CDH11: variants seen among roughly 807,000 people sequenced by gnomAD.
The protein encoded by CDH11 is cadherin 11, also known as cadherin-11.
A neutral mutation model predicts 67.8 loss-of-function variants in CDH11; 11 were observed. The observed-to-expected ratio is 0.16, with a 90% confidence interval of 0.10 to 0.27. The LOEUF (loss-of-function observed/expected upper bound fraction) is 0.27. Ranked by LOEUF, CDH11 falls within the 10% of genes least tolerant of loss-of-function variation. The probability of loss-of-function intolerance (pLI) is 1.00; values close to 1 mark genes in which losing one functional copy is unlikely to be tolerated. For missense variants in CDH11, 847 were observed against 1,031.2 expected (o/e 0.82, Z 2.45); for synonymous variants, 419 against 400.0 (o/e 1.05, Z -0.57).
At chr16:65,064,025 A>G (rs913048683) in intron 1 of CDH11, among the ~76,000 whole-genome samples, 3 of 152,234 alleles carry the variant, frequency 2.0e-5, no homozygotes, top group Non-Finnish European at 4.4e-5. Flanking sequence ...TGATGTGGCC[A>G]TCTTCAAGAG....
At chr16:64,989,841 TG>T (rs1329877237) in intron 6 of CDH11, among the ~76,000 whole-genome samples, 6 of 152,178 alleles carry the variant, frequency 3.9e-5, no homozygotes, top group Non-Finnish European at 8.8e-5. Context: ...CCAAGCAAAG[TG>T]GTCTTGGGCA....
intron 1 of CDH11, among the ~76,000 whole-genome samples, chr16:65,090,137 A>G (rs1482718078): frequency 6.6e-6 from 1 of 152,198 alleles, no homozygotes; most frequent in Non-Finnish European, 1.5e-5. Flanking sequence ...TGCATTTTAA[A>G]ATTCAGATAC....
intron 2 of CDH11, among the ~76,000 whole-genome samples, chr16:65,048,091 T>C (rs767959546): frequency 3.0e-4 from 45 of 152,208 alleles, no homozygotes; most frequent in Admixed American, 3.3e-4. Context: ...CAGCACCTAG[T>C]CCAAAGCCTA....
At chr16:64,948,658 TTTA>T in intron 12 of CDH11, 1 of 1,611,666 alleles carries the variant, frequency 6.2e-7, no homozygotes, top group Non-Finnish European at 8.5e-7. Context: ...GAAAGGAAGT[TTTA>T]TAAAGACCCC....
chr16:64,962,405 G>A lies in CDH11; in HGVS notation c.1642+9174C>T, dbSNP rs1178521394. Among the ~76,000 whole-genome samples, 8 of 152,080 alleles carry A rather than the reference G, an allele frequency of 5.3e-5. No individual in the cohort carries two copies. In the East Asian group the frequency reaches 1.5e-3, roughly 29 times the overall value. ...TCCCCAGATTGGAGACAGACAAGTA[G>A]ATACAGAGAATCGAACTTACTAGAT... On this transcript the variant is annotated intron_variant, in intron 11 of 12. Coordinates refer to ENST00000268603, the MANE Select transcript of CDH11 (RefSeq NM_001797.4).
At chr16:65,049,406 C>T (rs1353697198) in intron 2 of CDH11, among the ~76,000 whole-genome samples, 1 of 151,988 alleles carries the variant, frequency 6.6e-6, no homozygotes, top group Admixed American at 6.6e-5. Context: ...ATCGGTGGTC[C>T]TCAGCAAGTT....
chr16:65,014,466 A>G (rs951328399), intron 2 of CDH11, among the ~76,000 whole-genome samples: 1 of 152,158 alleles, frequency 6.6e-6, no homozygotes, highest in Admixed American at 6.6e-5. Context: ...CCGAATGTAC[A>G]TTTTATATTT....
intron 7 of CDH11, chr16:64,985,675 G>A (rs565916051): frequency 9.9e-5 from 15 of 151,260 alleles, no homozygotes; most frequent in Middle Eastern, 3.4e-3. Context: ...AGGGCTATTA[G>A]GCAATGTCTA....
At chr16:65,058,127 C>T (rs1481369161) in intron 1 of CDH11, among the ~76,000 whole-genome samples, 3 of 152,050 alleles carry the variant, frequency 2.0e-5, no homozygotes, top group Admixed American at 1.3e-4. Flanking sequence ...GAAGCTGAGA[C>T]TTGAGGATCG....
intron 1 of CDH11, among the ~76,000 whole-genome samples, chr16:65,055,612 A>G (rs1449840303): frequency 6.6e-6 from 1 of 152,278 alleles, no homozygotes; most frequent in Admixed American, 6.5e-5. Context: ...TCTCATCCAT[A>G]CTGATTGTGT....
At chr16:65,045,351 A>ATATATATATATC (rs1555522695) in intron 2 of CDH11, among the ~76,000 whole-genome samples, 24 of 119,630 alleles carry the variant, frequency 2.0e-4, no homozygotes, top group Non-Finnish European at 4.0e-4. Flanking sequence ...ATATATATAT[A>ATATATATATATC]TATATATATA....
chr16:65,086,878 C>T (rs1218095098), intron 1 of CDH11, among the ~76,000 whole-genome samples: 2 of 152,132 alleles, frequency 1.3e-5, no homozygotes, highest in East Asian at 3.9e-4. Context: ...AGAGATTGGA[C>T]ATTATACAAA....
At chr16:65,003,445 C>CG (rs1468224696) in intron 3 of CDH11, among the ~76,000 whole-genome samples, 3 of 151,920 alleles carry the variant, frequency 2.0e-5, no homozygotes, top group African/African-American at 7.3e-5. Flanking sequence ...TTAGTAGAGA[C>CG]GGGGTTTCAC....
At chr16:64,948,367 G>T (rs2071250334) in intron 12 of CDH11, among the ~76,000 whole-genome samples, 1 of 152,152 alleles carries the variant, frequency 6.6e-6, no homozygotes, top group South Asian at 2.1e-4. Context: ...AATGAATCCA[G>T]ACACCATTTA....
At chr16:65,122,168 T>G (rs2075347065), upstream of CDH11, 6 of 549,138 alleles carry the variant, frequency 1.1e-5, no homozygotes, top group East Asian at 3.3e-5. Flanking sequence ...GCTGCCGCTG[T>G]GAGGGAAGGA....
intron 3 of CDH11, among the ~76,000 whole-genome samples, chr16:65,001,857 G>GT (rs2072928373): frequency 6.7e-6 from 1 of 149,948 alleles, no homozygotes; most frequent in Non-Finnish European, 1.5e-5. Context: ...AAGGGATCCA[G>GT]TTGCTGAGGC....
rs148573763 is a variant in CDH11, at chr16:64,990,165, T to G, written c.811+1603A>C. 2.0e-5 allele frequency among the ~76,000 whole-genome samples: 3 copies of G among 152,320 alleles called. No individual in the cohort carries two copies. In the East Asian group the frequency reaches 5.8e-4, roughly 29 times the overall value. On this transcript the variant is annotated intron_variant, in intron 6 of 12. Transcript: ENST00000268603. Reference sequence around the variant, plus strand: ...TGTAACTTTACTATATGATTGTCTATGACCAAGGGCAGTAAAGGCTGCCTG... The same window carrying G: ...TGTAACTTTACTATATGATTGTCTAGGACCAAGGGCAGTAAAGGCTGCCTG...
intron 11 of CDH11, among the ~76,000 whole-genome samples, chr16:64,956,086 C>T (rs1567487585): frequency 6.6e-6 from 1 of 152,138 alleles, no homozygotes; most frequent in African/African-American, 2.4e-5. Context: ...TAGAGACTTC[C>T]TAGATCTTTT....
intron 1 of CDH11, among the ~76,000 whole-genome samples, 156 bp from the exon 2 acceptor site, chr16:65,054,084 G>A (rs937558486): frequency 6.6e-6 from 1 of 152,160 alleles, no homozygotes; most frequent in African/African-American, 2.4e-5. Flanking sequence ...AAAATTACGT[G>A]AAAAGTGGGA....
Sources: gnomAD v4.1 joint callset for allele counts (sites outside exome capture counted in the v4.1 genomes callset) on GRCh38, gnomAD v4.1.1 for gene constraint, MANE v1.5 for transcripts, NCBI Gene and HGNC (gene_info 2026-07-23, HGNC 2026-07-21) for gene names.